DPYD: variants seen among roughly 807,000 people sequenced by gnomAD.
The protein encoded by DPYD is dihydropyrimidine dehydrogenase [NADP(+)].
Under a neutral mutation model 116.2 loss-of-function variants are expected in DPYD, and 109 were observed. The ratio of observed to expected loss-of-function variants is 0.94; its 90% CI spans 0.80 to 1.10. The LOEUF is 1.10. Among genes scored for constraint, DPYD ranks in the 50% least tolerant of loss-of-function variants. The pLI is 0.00. For synonymous variants in DPYD, 440 were observed against 432.0 expected (o/e 1.02, Z -0.23); for missense variants, 1,302 against 1,254.5 (o/e 1.04, Z -0.57).
chr1:97,549,810 T>C, intron 11 of DPYD, 66 bp from the exon 12 acceptor site: 1 of 1,375,080 alleles, frequency 7.3e-7, no homozygotes, highest in Non-Finnish European at 1.0e-6. Flanking sequence ...ACAATAATTT[T>C]AAAATTAAGA....
intron 8 of DPYD, among the ~76,000 whole-genome samples, chr1:97,616,638 T>C (rs1043078716): frequency 4.6e-5 from 7 of 152,120 alleles, no homozygotes; most frequent in South Asian, 2.1e-4. Flanking sequence ...ACCATGTAGC[T>C]CAAATTACTT....
intron 11 of DPYD, among the ~76,000 whole-genome samples, chr1:97,560,261 G>A (rs17377638): frequency 0.074 from 11,230 of 152,128 alleles, 581 homozygotes; most frequent in Non-Finnish European, 0.11. Context: ...TCAGAGTTAC[G>A]TGAGAATCAA....
chr1:97,457,033 TAATCTC>T (rs1676727858), intron 13 of DPYD, among the ~76,000 whole-genome samples: 1 of 152,076 alleles, frequency 6.6e-6, no homozygotes, highest in South Asian at 2.1e-4. Context: ...GGTGTGTACT[TAATCTC>T]AGTCTTGGCC....
intron 16 of DPYD, among the ~76,000 whole-genome samples, chr1:97,326,390 G>A (rs1456073204): frequency 1.7e-4 from 26 of 151,802 alleles, no homozygotes; most frequent in Admixed American, 1.6e-3. Context: ...AAGGAGTTTT[G>A]GAAACATAGA....
chr1:97,229,587 T>TATATATATATAAAA (rs1434809487), intron 19 of DPYD, among the ~76,000 whole-genome samples: 3 of 64,672 alleles, frequency 4.6e-5, no homozygotes, highest in African/African-American at 1.7e-4. Context: ...TATATATATA[T>TATATATATATAAAA]ATACTGATTT....
At chr1:97,545,557 T>C in intron 12 of DPYD, 1 of 449,196 alleles carries the variant, frequency 2.2e-6, no homozygotes, top group Non-Finnish European at 3.9e-6. Context: ...CATGAAGATG[T>C]TTGGTGAATA....
rs1160228756 is a variant in DPYD at position 97,234,953 on chromosome 1, T to C, written c.2341A>G (p.Ile781Val). The change falls in exon 19 of 23, where the codon ATT (isoleucine) becomes GTT (valine). Residue 781 changes from isoleucine (I) to valine (V), a missense_variant. Ile to Val is a conservative substitution (Grantham distance 29). Transcript: ENST00000370192. ...RPIALRAVTS[I>V]ARALPGFPIL... ...GGAAATCCAGGCAGAGCACGAGCAA[T>C]GGAGGTCACAGCTCTCAAAGCAATA... The C allele has an allele frequency of 1.2e-6, 2 of 1,613,856 alleles. No homozygotes were observed. Among genetic ancestry groups the C allele is most frequent in the Non-Finnish European group, 1.7e-6 (2 of 1,179,982 alleles).
chr1:97,384,370 T>TTTTTC (rs1672184958), intron 14 of DPYD, among the ~76,000 whole-genome samples: 1 of 152,096 alleles, frequency 6.6e-6, no homozygotes, highest in African/African-American at 2.4e-5. Context: ...TTAAAGTTTT[T>TTTTTC]TTTTTCTTTT....
chr1:97,109,926 T>G (rs912567937), intron 20 of DPYD, among the ~76,000 whole-genome samples: 8 of 152,114 alleles, frequency 5.3e-5, no homozygotes, highest in African/African-American at 1.9e-4. Flanking sequence ...AAAATATATT[T>G]TATACATTTG....
chr1:97,120,268 T>C (rs1652321744), intron 20 of DPYD, among the ~76,000 whole-genome samples: 1 of 152,198 alleles, frequency 6.6e-6, no homozygotes, highest in African/African-American at 2.4e-5. Flanking sequence ...TATTCCTCAA[T>C]GAGGTTTCAT....
At chr1:97,157,283 T>A (rs828063) in intron 20 of DPYD, among the ~76,000 whole-genome samples, 25,615 of 148,788 alleles carry the variant, frequency 0.17, 2,217 homozygotes, top group East Asian at 0.29. Context: ...AAAATAAAAT[T>A]AAAAAAACCC....
At chr1:97,440,168 G>A (rs1023890508) in intron 14 of DPYD, among the ~76,000 whole-genome samples, 1 of 151,434 alleles carries the variant, frequency 6.6e-6, no homozygotes, top group Admixed American at 6.6e-5. Context: ...CCAACTACTC[G>A]GGAGGCTGAG....
chr1:97,405,558 T>C (rs369275923), intron 14 of DPYD, among the ~76,000 whole-genome samples: 6 of 152,156 alleles, frequency 3.9e-5, no homozygotes, highest in Admixed American at 1.3e-4. Flanking sequence ...CTCTGTTACC[T>C]AGGCTGGAGT....
chr1:97,611,390 G>A (rs571938206), intron 8 of DPYD, among the ~76,000 whole-genome samples: 145 of 152,100 alleles, frequency 9.5e-4, no homozygotes, highest in Non-Finnish European at 1.8e-3. Flanking sequence ...TGGGGACAGA[G>A]AATTTCATTT....
chr1:97,870,933 C>A (rs1251433090), intron 2 of DPYD, among the ~76,000 whole-genome samples: 2 of 151,826 alleles, frequency 1.3e-5, no homozygotes, highest in African/African-American at 4.8e-5. Context: ...AAGACAGCTG[C>A]CATTGTATGC....
In DPYD at chr1:97,529,782, T is replaced by G. The variant is rs1316042850; in HGVS notation, c.1525-13841A>C. Among the ~76,000 whole-genome samples the G allele has an allele frequency of 6.8e-5, 10 of 148,084 alleles. No individual in the cohort carries two copies. In the East Asian group the frequency reaches 1.9e-3, roughly 29 times the overall value. ...TTTCTTTCTCTTTCTTCTTTCTTTC[T>G]CTTTTTCTTTTTTCCCTTTTTCTTT... On this transcript the variant is annotated intron_variant, in intron 12 of 22. Coordinates refer to ENST00000370192, the MANE Select transcript of DPYD (RefSeq NM_000110.4).
chr1:97,818,200 A>C (rs1472095469), intron 3 of DPYD, among the ~76,000 whole-genome samples: 2 of 152,038 alleles, frequency 1.3e-5, no homozygotes, highest in Non-Finnish European at 2.9e-5. Context: ...CAAAAATATC[A>C]AACTATCACT....
At chr1:97,546,653 G>A (rs1413862660) in intron 12 of DPYD, 1 of 1,612,642 alleles carries the variant, frequency 6.2e-7, no homozygotes, top group East Asian at 2.2e-5. Context: ...ATTGCAGATA[G>A]GAAGGAGCAG....
chr1:97,548,994 T>C (rs938058628), intron 12 of DPYD, among the ~76,000 whole-genome samples: 6 of 152,070 alleles, frequency 3.9e-5, no homozygotes, highest in Non-Finnish European at 7.4e-5. Flanking sequence ...AAGCCAATAA[T>C]AAATATTTTG....
Sources: gnomAD v4.1 joint callset for allele counts (sites outside exome capture counted in the v4.1 genomes callset) on GRCh38, gnomAD v4.1.1 for gene constraint, MANE v1.5 for transcripts, NCBI Gene and HGNC (gene_info 2026-07-23, HGNC 2026-07-21) for gene names.